The following KDM4C variants were observed in gnomAD, a reference collection of about 807,000 sequenced individuals.
KDM4C encodes lysine demethylase 4C, also known as lysine-specific demethylase 4C.
A neutral mutation model predicts 129.3 loss-of-function variants in KDM4C; 81 were observed. The ratio of observed to expected loss-of-function variants is 0.63; its 90% confidence interval spans 0.52 to 0.75. The LOEUF is 0.75. KDM4C is among the 30% of genes least tolerant of loss of function. The probability of loss-of-function intolerance (pLI) is 0.00; values close to 1 mark genes in which losing one functional copy is unlikely to be tolerated. For missense variants in KDM4C, 1,457 were observed against 1,304.0 expected, an observed-to-expected ratio of 1.12 and a Z score of -1.81; for synonymous variants, 573 against 456.1, an observed-to-expected ratio of 1.26 and a Z score of -3.26.
At chr9:6,729,378 A>G (rs535431981) in intron 1 of KDM4C, among the ~76,000 whole-genome samples, 1 of 128,756 alleles carries the variant, frequency 7.8e-6, no homozygotes, top group South Asian at 2.9e-4. Context: ...TATCCCTACT[A>G]AAAATACAAA....
At chr9:6,877,364 A>C (rs1026569430) in intron 5 of KDM4C, among the ~76,000 whole-genome samples, 5 of 151,900 alleles carry the variant, frequency 3.3e-5, no homozygotes, top group African/African-American at 1.2e-4. Context: ...CCACACCCGG[A>C]TAATTTTTTG....
chr9:6,757,777 C>T (rs1307984644), upstream of KDM4C: 1 of 985,468 alleles, frequency 1.0e-6, no homozygotes, highest in African/African-American at 1.7e-5. Context: ...GTATCTTTCC[C>T]CTCCGGAAAG....
intron 8 of KDM4C, among the ~76,000 whole-genome samples, chr9:6,898,892 A>C (rs1475026807): frequency 1.3e-5 from 2 of 152,208 alleles, no homozygotes; most frequent in Non-Finnish European, 2.9e-5. Flanking sequence ...TTGATCACAA[A>C]ATACTAGTAT....
At chr9:6,926,100 GC>G (rs1822460290) in intron 8 of KDM4C, among the ~76,000 whole-genome samples, 1 of 152,052 alleles carries the variant, frequency 6.6e-6, no homozygotes, top group Admixed American at 6.6e-5. Context: ...TGAAAGTCAA[GC>G]CCCTTTAGAT....
intron 17 of KDM4C, among the ~76,000 whole-genome samples, chr9:7,083,068 G>A (rs770942227): frequency 1.3e-5 from 2 of 152,086 alleles, no homozygotes; most frequent in Non-Finnish European, 2.9e-5. Context: ...GTGTTCATAA[G>A]CCTGGATATA....
At chr9:6,832,779 G>A (rs1835125556) in intron 4 of KDM4C, among the ~76,000 whole-genome samples, 1 of 140,944 alleles carries the variant, frequency 7.1e-6, no homozygotes, top group Admixed American at 7.5e-5. Context: ...CCAAGCTAGA[G>A]TGCAATGGTG....
chr9:7,136,476 A>G (rs1285387983), intron 19 of KDM4C, among the ~76,000 whole-genome samples: 3 of 152,202 alleles, frequency 2.0e-5, no homozygotes, highest in Admixed American at 6.5e-5. Flanking sequence ...GTTTCTTCAC[A>G]TCCTCACCAA....
In KDM4C at chr9:6,949,793, T is replaced by C. The variant is rs142862451; in HGVS notation, c.922-31132T>C. ...TTGCAGTGAGCGGAGATGGCAGCAG[T>C]ACAGTCCAGCTTCGGCTCGGCATCA... is the stretch of plus-strand genomic sequence containing the variant. On this transcript the variant is annotated intron_variant, in intron 8 of 21. Coordinates refer to ENST00000381309, the MANE Select transcript of KDM4C (RefSeq NM_015061.6). Among the ~76,000 whole-genome samples the C allele has an allele frequency of 6.2e-3, 946 of 152,246 alleles. 9 individuals are homozygous for C. The highest frequency in any genetic ancestry group is 0.021 in the African/African-American group (868 of 41,550).
At position 7,132,289 on chromosome 9, in the gene KDM4C, A is replaced by G. The variant is rs559967010; in HGVS notation, c.2781+4053A>G. Among the ~76,000 whole-genome samples, 3 of 152,342 alleles carry G rather than the reference A, an allele frequency of 2.0e-5. No homozygotes were observed. In the South Asian group the frequency reaches 6.2e-4, roughly 32 times the overall value. ...AATCATTTCATAAACCCAACAGATG[A>G]GAATCCTTTAATGCAGGCTGGCCTA... is the stretch of plus-strand genomic sequence containing the variant. On this transcript the variant is annotated intron_variant, in intron 19 of 21. Coordinates refer to ENST00000381309, the MANE Select transcript of KDM4C (RefSeq NM_015061.6).
chr9:7,175,290 C>CT lies in KDM4C; in HGVS notation c.*565dup, dbSNP rs1346529648. 1 of 152,636 alleles carries CT rather than the reference C, an allele frequency of 6.6e-6. No individual in the cohort carries two copies. The highest frequency in any genetic ancestry group is 2.4e-5 in the African/African-American group (1 of 41,440). The allele number at this position is 152,636 out of a possible 1,614,324, so 9.5% of individuals were successfully genotyped here. ...CTATCTGTATTTCCCTTGTACAGAACTTTTACATTTTTGAATATTCCTATT... is the reference window on the plus strand; with the variant it reads ...CTATCTGTATTTCCCTTGTACAGAACTTTTTACATTTTTGAATATTCCTATT... On this transcript the variant is annotated 3_prime_UTR_variant, in exon 22 of 22. Transcript: ENST00000381309.
At position 7,174,666 on chromosome 9, in the gene KDM4C, C is replaced by T. The variant is rs145856633; in HGVS notation, c.3108C>T (p.Ala1036=). 413 of 1,614,012 alleles carry T rather than the reference C, an allele frequency of 2.6e-4. 3 individuals carry two copies. In the South Asian group the frequency reaches 3.8e-3, roughly 15 times the overall value. ...LSSRFKNEYV[A]DPVYRTFLKS... ...CCAGGTTTAAGAATGAATATGTGGC[C>T]GACCCTGTATACCGCACTTTTTTGA... The change falls in exon 22 of 22, where the codon GCC becomes GCT. Residue 1036 remains alanine, a synonymous_variant. Coordinates refer to ENST00000381309, the MANE Select transcript of KDM4C (RefSeq NM_015061.6).
intron 12 of KDM4C, among the ~76,000 whole-genome samples, chr9:7,009,135 C>G (rs933189092): frequency 6.6e-6 from 1 of 152,144 alleles, no homozygotes; most frequent in Non-Finnish European, 1.5e-5. Context: ...AGATAGACAA[C>G]TAAATGAAAT....
chr9:6,835,364 T>C, intron 4 of KDM4C: 3 of 1,073,362 alleles, frequency 2.8e-6, no homozygotes, highest in Non-Finnish European at 2.9e-6. Flanking sequence ...GGCACCACCA[T>C]GTACCCTAGC....
intron 5 of KDM4C, among the ~76,000 whole-genome samples, chr9:6,877,901 C>T (rs1843810248): frequency 6.6e-6 from 1 of 152,182 alleles, no homozygotes; most frequent in African/African-American, 2.4e-5. Context: ...GTTTTGGGCT[C>T]ATTCAGGGAA....
chr9:6,919,235 T>TTTCC, intron 8 of KDM4C, among the ~76,000 whole-genome samples: 2 of 90,630 alleles, frequency 2.2e-5, no homozygotes, highest in South Asian at 7.0e-4. Flanking sequence ...TCTTTCTTTC[T>TTTCC]TTCTTTCTTT....
At chr9:7,032,568 G>C (rs1587077503) in intron 15 of KDM4C, among the ~76,000 whole-genome samples, 1 of 152,174 alleles carries the variant, frequency 6.6e-6, no homozygotes. Flanking sequence ...TATTTCCACA[G>C]AACTTGATAC....
At chr9:7,139,534 A>G (rs1841535511) in intron 19 of KDM4C, among the ~76,000 whole-genome samples, 1 of 152,186 alleles carries the variant, frequency 6.6e-6, no homozygotes, top group Non-Finnish European at 1.5e-5. Flanking sequence ...ATTGATATTA[A>G]GTGAGACTCT....
At chr9:6,739,568 T>C (rs150437972) in intron 1 of KDM4C, among the ~76,000 whole-genome samples, 26 of 152,258 alleles carry the variant, frequency 1.7e-4, no homozygotes, top group African/African-American at 6.3e-4. Context: ...GGTTACCCAT[T>C]TGGTTTTACT....
chr9:7,015,319 G>A (rs114992267), intron 14 of KDM4C, among the ~76,000 whole-genome samples: 2,302 of 152,014 alleles, frequency 0.015, 57 homozygotes, highest in African/African-American at 0.053. Flanking sequence ...CCATATAATT[G>A]CTATGTATAT....
Sources: allele counts gnomAD v4.1 joint callset (sites outside exome capture counted in the v4.1 genomes callset), GRCh38; gene constraint gnomAD v4.1.1; transcripts MANE v1.5; gene names NCBI Gene and HGNC (gene_info 2026-07-23, HGNC 2026-07-21).